The following EEF1AKMT2 variants were observed in gnomAD, a reference collection of about 807,000 sequenced individuals.
EEF1AKMT2 encodes the protein eukaryotic translation elongation factor 1 alpha lysine methyltransferase 2.
Under a neutral mutation model 35.8 loss-of-function variants are expected in EEF1AKMT2, and 32 were observed. The observed-to-expected ratio is 0.89, with a 90% CI of 0.67 to 1.20. EEF1AKMT2 has a LOEUF of 1.20. Among genes scored for constraint, EEF1AKMT2 ranks in the 50% most tolerant of loss-of-function variants. EEF1AKMT2 has a pLI of 0.00. For synonymous variants in EEF1AKMT2, 121 were observed against 133.7 expected, an observed-to-expected ratio of 0.91 and a Z score of 0.65; for missense variants, 330 against 347.5, an observed-to-expected ratio of 0.95 and a Z score of 0.40.
rs1038648188 is a variant in EEF1AKMT2 at position 124,758,218 on chromosome 10, T to C, written c.*2285A>G. The C allele has an allele frequency of 6.6e-6, 1 of 152,254 alleles. No individual in the cohort carries two copies. The highest frequency in any genetic ancestry group is 1.5e-5 in the Non-Finnish European group (1 of 68,042). 9.4% of individuals were successfully genotyped at this position (152,254 alleles called of 1,614,324 possible). ...AAACAGCATTCACTATGTAACTTAC[T>C]GCTTTTTATAAGTGCATAATTTCTG... On this transcript the variant is annotated 3_prime_UTR_variant, in exon 7 of 7. Transcript: ENST00000368836.
At chr10:124,790,722 T>C (rs1950627033) in intron 1 of EEF1AKMT2, among the ~76,000 whole-genome samples, 1 of 152,228 alleles carries the variant, frequency 6.6e-6, no homozygotes. Flanking sequence ...TATTTGTCTC[T>C]GCCTATTCCA....
rs778295549 is a variant in EEF1AKMT2 at position 124,791,825 on chromosome 10, C to G, written c.9G>C (p.Ser3=). The part of the protein sequence containing the change: MS[S]GADGGGGAAV... Reference sequence around the variant, plus strand: ...CAGCGCCACCGCCGCCGTCAGCGCCCGAGCTCATTTCGCTCCACGTCCTGG... The same window carrying G: ...CAGCGCCACCGCCGCCGTCAGCGCCGGAGCTCATTTCGCTCCACGTCCTGG... Residue 3 remains serine (S), a synonymous_variant, in exon 1 of 7, where the codon TCG becomes TCC. Coordinates refer to ENST00000368836, the MANE Select transcript of EEF1AKMT2 (RefSeq NM_212554.4). The G allele has an allele frequency of 2.5e-6, 4 of 1,579,838 alleles. No individual in the cohort carries two copies. Among genetic ancestry groups the G allele is most frequent in the East Asian group, 2.3e-5 (1 of 43,454 alleles).
At chr10:124,773,003 T>A (rs1950451498) in intron 4 of EEF1AKMT2, among the ~76,000 whole-genome samples, 1 of 152,240 alleles carries the variant, frequency 6.6e-6, no homozygotes, top group Non-Finnish European at 1.5e-5. Flanking sequence ...AAATTTTGTT[T>A]TGCATTCACA....
chr10:124,777,146 G>A (rs537064334), intron 3 of EEF1AKMT2, among the ~76,000 whole-genome samples: 3 of 151,896 alleles, frequency 2.0e-5, no homozygotes, highest in Non-Finnish European at 4.4e-5. Flanking sequence ...AGGCATGGTG[G>A]TGGGCACCTG....
chr10:124,768,549 A>G (rs1410015037), intron 4 of EEF1AKMT2, among the ~76,000 whole-genome samples: 2 of 152,170 alleles, frequency 1.3e-5, no homozygotes, highest in Non-Finnish European at 2.9e-5. Flanking sequence ...GTTCAAGGCC[A>G]GCCTGAGCGA....
chr10:124,780,973 G>C (rs1415859272), intron 3 of EEF1AKMT2, among the ~76,000 whole-genome samples: 3 of 151,670 alleles, frequency 2.0e-5, no homozygotes, highest in African/African-American at 7.3e-5. Context: ...TTGAGACGGA[G>C]TCTTGCTCTG....
intron 4 of EEF1AKMT2, among the ~76,000 whole-genome samples, chr10:124,769,075 A>T (rs184170355): frequency 6.5e-4 from 96 of 147,630 alleles, no homozygotes; most frequent in African/African-American, 2.2e-3. Context: ...CAAAAAAATT[A>T]GGTGTGGTGA....
At chr10:124,781,921 A>G (rs1427803297) in intron 3 of EEF1AKMT2, among the ~76,000 whole-genome samples, 1 of 152,182 alleles carries the variant, frequency 6.6e-6, no homozygotes, top group Non-Finnish European at 1.5e-5. Flanking sequence ...ACTACAACAT[A>G]AAGGTGAAAG....
At chr10:124,780,416 G>GT (rs1345922367) in intron 3 of EEF1AKMT2, among the ~76,000 whole-genome samples, 1 of 152,124 alleles carries the variant, frequency 6.6e-6, no homozygotes, top group Non-Finnish European at 1.5e-5. Context: ...AATCGTAATG[G>GT]TAAATAAAGA....
rs371807643 is a variant in EEF1AKMT2, at chr10:124,758,483, C to T, written c.*2020G>A. On this transcript the variant is annotated 3_prime_UTR_variant, in exon 7 of 7. Coordinates refer to ENST00000368836, the MANE Select transcript of EEF1AKMT2 (RefSeq NM_212554.4). Reference sequence around the variant, plus strand: ...AGAGATGACAACTTCCTTTTCCTAACCTTATCAAAAGCTCTATGGTTAAAA... The same window carrying T: ...AGAGATGACAACTTCCTTTTCCTAATCTTATCAAAAGCTCTATGGTTAAAA... 6 of 148,358 alleles carry T rather than the reference C, an allele frequency of 4.0e-5. No individual in the cohort carries two copies. In the East Asian group the frequency reaches 9.8e-4, roughly 24 times the overall value. 9.2% of individuals were successfully genotyped at this position (148,358 alleles called of 1,614,324 possible).
At chr10:124,787,514 A>G (rs1950596360) in intron 3 of EEF1AKMT2, among the ~76,000 whole-genome samples, 1 of 151,948 alleles carries the variant, frequency 6.6e-6, no homozygotes, top group Non-Finnish European at 1.5e-5. Context: ...ACCTTCAAAA[A>G]CAGGCAAATT....
At chr10:124,770,286 G>A (rs551874802) in intron 4 of EEF1AKMT2, among the ~76,000 whole-genome samples, 105 of 151,892 alleles carry the variant, frequency 6.9e-4, no homozygotes, top group Non-Finnish European at 1.1e-3. Context: ...GTGTGGTGGC[G>A]GGTGCCTGTA....
intron 3 of EEF1AKMT2, among the ~76,000 whole-genome samples, chr10:124,777,032 C>G (rs1012596866): frequency 6.6e-6 from 1 of 151,856 alleles, no homozygotes; most frequent in East Asian, 1.9e-4. Flanking sequence ...GTAATCCTAT[C>G]ATTTTGGGAG....
At chr10:124,785,140 G>A (rs1463462787) in intron 3 of EEF1AKMT2, among the ~76,000 whole-genome samples, 16 of 149,760 alleles carry the variant, frequency 1.1e-4, no homozygotes, top group Admixed American at 2.0e-4. Context: ...CCAGCTACTC[G>A]GGAGGCTGAG....
chr10:124,779,337 T>G (rs971917724), intron 3 of EEF1AKMT2, among the ~76,000 whole-genome samples: 9 of 152,160 alleles, frequency 5.9e-5, no homozygotes, highest in East Asian at 1.9e-4. Context: ...TTCACCATGT[T>G]GCCCAGGCTG....
intron 3 of EEF1AKMT2, among the ~76,000 whole-genome samples, chr10:124,780,553 G>A (rs111515315): frequency 3.9e-5 from 6 of 151,988 alleles, no homozygotes; most frequent in East Asian, 1.9e-4. Context: ...ACATTTGGCC[G>A]ACAAAGACAA....
chr10:124,782,521 G>T (rs545865109), intron 3 of EEF1AKMT2, among the ~76,000 whole-genome samples: 10 of 143,710 alleles, frequency 7.0e-5, no homozygotes, highest in Non-Finnish European at 1.2e-4. Flanking sequence ...GGCGGAGCTT[G>T]CAGTGAGCCG....
intron 6 of EEF1AKMT2, among the ~76,000 whole-genome samples, chr10:124,761,169 T>C (rs879807175): frequency 3.9e-5 from 6 of 152,238 alleles, no homozygotes; most frequent in Non-Finnish European, 8.8e-5. Flanking sequence ...CGCCTGGCCC[T>C]GTGTTGAGTT....
chr10:124,756,824 C>T (rs771639318), downstream of EEF1AKMT2, among the ~76,000 whole-genome samples: 1 of 152,146 alleles, frequency 6.6e-6, no homozygotes, highest in African/African-American at 2.4e-5. Flanking sequence ...CATTTCTATG[C>T]CCTGAACATA....
Sources: allele counts gnomAD v4.1 joint callset (sites outside exome capture counted in the v4.1 genomes callset), GRCh38; gene constraint gnomAD v4.1.1; transcripts MANE v1.5; gene names NCBI Gene and HGNC (gene_info 2026-07-23, HGNC 2026-07-21).